ANO3: variants seen among roughly 807,000 people sequenced by gnomAD.
ANO3 encodes anoctamin 3, also known as anoctamin-3.
Under a neutral mutation model 144.8 loss-of-function variants are expected in ANO3, and 99 were observed. That is an observed-to-expected ratio of 0.68 (90% CI 0.58 to 0.81). The LOEUF (loss-of-function observed/expected upper bound fraction) is 0.81, where lower values mean the gene tolerates loss of function less well. Ranked by LOEUF, ANO3 falls within the 30% of genes least tolerant of loss-of-function variation. ANO3 has a pLI of 0.00. For synonymous variants in ANO3, 414 were observed against 392.6 expected (o/e 1.05, Z -0.64); for missense variants, 905 against 1,202.2 (o/e 0.75, Z 3.66).
intron 1 of ANO3, among the ~76,000 whole-genome samples, chr11:26,218,520 A>G (rs551742700): frequency 2.1e-4 from 32 of 151,978 alleles, no homozygotes; most frequent in South Asian, 2.1e-4. Context: ...TTTGTGTTCA[A>G]TTATACTCCC....
At chr11:26,391,262 C>A (rs1279254229) in intron 1 of ANO3, among the ~76,000 whole-genome samples, 1 of 152,036 alleles carries the variant, frequency 6.6e-6, no homozygotes, top group Non-Finnish European at 1.5e-5. Context: ...AGACAGACAG[C>A]CTGGCTTTTA....
intron 1 of ANO3, among the ~76,000 whole-genome samples, chr11:26,245,584 T>A (rs975720132): frequency 5.9e-5 from 9 of 152,224 alleles, no homozygotes; most frequent in Non-Finnish European, 8.8e-5. Flanking sequence ...AAAGTTAATA[T>A]ACATAGGAAT....
At chr11:26,580,135 C>T (rs563857364) in intron 14 of ANO3, among the ~76,000 whole-genome samples, 2 of 129,640 alleles carry the variant, frequency 1.5e-5, no homozygotes, top group Middle Eastern at 4.1e-3. Flanking sequence ...AAGCAAAATC[C>T]AGTAGGTTAA....
At chr11:26,521,149 A>C (rs1473242049) in intron 6 of ANO3, among the ~76,000 whole-genome samples, 1 of 152,174 alleles carries the variant, frequency 6.6e-6, no homozygotes, top group East Asian at 1.9e-4. Flanking sequence ...CTAAGTGGCA[A>C]ATTATTTTCG....
In ANO3 at chr11:26,660,337, C is replaced by G; in HGVS notation, c.2839C>G (p.Arg947Gly). The G allele has an allele frequency of 1.2e-6, 2 of 1,613,424 alleles. No individual in the cohort carries two copies. The highest frequency in any genetic ancestry group is 1.7e-6 in the Non-Finnish European group (2 of 1,179,626). ...DVPKGLHDRI[R>G]REKYLVQEMM... ...ACCAAAGGGTCTACATGACCGAATA[C>G]GACGAGAGAAGTACTTAGTTCAAGA... Residue 947 changes from arginine (R) to glycine (G), a missense_variant, in exon 27 of 27, where the codon CGA becomes GGA. Coordinates refer to ENST00000256737, the MANE Select transcript of ANO3 (RefSeq NM_031418.4).
At chr11:26,578,929 T>C (rs1233385930) in intron 14 of ANO3, among the ~76,000 whole-genome samples, 4 of 152,198 alleles carry the variant, frequency 2.6e-5, no homozygotes, top group Non-Finnish European at 4.4e-5. Context: ...CATAACTGAT[T>C]AATTCCTGTG....
At chr11:26,201,986 A>G (rs900493931) in intron 1 of ANO3, among the ~76,000 whole-genome samples, 2 of 151,094 alleles carry the variant, frequency 1.3e-5, no homozygotes, top group African/African-American at 4.8e-5. Flanking sequence ...TACACTTACG[A>G]TATCTGTTAC....
At chr11:26,210,940 C>A (rs35088680) in intron 1 of ANO3, among the ~76,000 whole-genome samples, 1 of 151,756 alleles carries the variant, frequency 6.6e-6, no homozygotes, top group African/African-American at 2.4e-5. Context: ...CAATATTAGA[C>A]AGATCAACAA....
chr11:26,330,461 G>T (rs1044406392), upstream of ANO3, among the ~76,000 whole-genome samples: 1 of 152,032 alleles, frequency 6.6e-6, no homozygotes, highest in Admixed American at 6.6e-5. Flanking sequence ...CCTGCATACT[G>T]AGCTCTTATT....
rs72278856 is a variant in ANO3 at position 26,535,571 on chromosome 11, C to CTTTT, written c.976+1035_976+1038dup. Among the ~76,000 whole-genome samples, 15 of 58,610 alleles carry CTTTT rather than the reference C, an allele frequency of 2.6e-4. 2 individuals carry two copies. Among genetic ancestry groups the CTTTT allele is most frequent in the African/African-American group, 5.3e-4 (7 of 13,306 alleles). 38.5% of individuals were successfully genotyped at this position (58,610 alleles called of 152,430 possible). A position where few individuals can be genotyped will look rare whatever the true frequency, so the allele number is the denominator to read the frequency against. ...AATACACTATGTTTCAAGACAGCCACTTTTTTTTTTTTTTTTTTTTTTTTT... is the reference window on the plus strand; with the variant it reads ...AATACACTATGTTTCAAGACAGCCACTTTTTTTTTTTTTTTTTTTTTTTTTTTTT... On this transcript the variant is annotated intron_variant, in intron 9 of 26. Coordinates refer to ENST00000256737, the MANE Select transcript of ANO3 (RefSeq NM_031418.4).
At chr11:26,482,023 G>T (rs1860238135) in intron 4 of ANO3, among the ~76,000 whole-genome samples, 1 of 151,748 alleles carries the variant, frequency 6.6e-6, no homozygotes, top group South Asian at 2.1e-4. Flanking sequence ...TTCCCAAGTA[G>T]CTGGGAGCAC....
chr11:26,615,428 A>G (rs1188576984), intron 17 of ANO3, among the ~76,000 whole-genome samples: 1 of 115,284 alleles, frequency 8.7e-6, no homozygotes, highest in Non-Finnish European at 1.8e-5. Flanking sequence ...TTTTTTTTTC[A>G]GTTCCTCAAT....
chr11:26,294,326 T>C (rs1854037014), intron 1 of ANO3, among the ~76,000 whole-genome samples: 1 of 152,208 alleles, frequency 6.6e-6, no homozygotes, highest in African/African-American at 2.4e-5. Context: ...CACCAGCCAC[T>C]GTGCTACTGC....
intron 14 of ANO3, among the ~76,000 whole-genome samples, chr11:26,586,501 A>ATTTTTT (rs1281089936): frequency 7.0e-4 from 28 of 40,004 alleles, no homozygotes; most frequent in East Asian, 2.8e-3. Flanking sequence ...CCTGGTGAGA[A>ATTTTTT]TCTTTTTTTT....
intron 1 of ANO3, among the ~76,000 whole-genome samples, chr11:26,192,139 C>A (rs995394098): frequency 3.9e-5 from 6 of 152,134 alleles, no homozygotes; most frequent in Non-Finnish European, 7.4e-5. Context: ...ACACAATTTG[C>A]CGCCTGATAT....
intron 11 of ANO3, 107 bp from the exon 12 acceptor site, chr11:26,547,309 G>T: frequency 9.1e-7 from 1 of 1,103,008 alleles, no homozygotes; most frequent in East Asian, 2.4e-5. Context: ...GAGGAACTGA[G>T]TGTAGCTTCA....
chr11:26,635,086 A>C lies in ANO3; in HGVS notation c.2043+16A>C. The C allele has an allele frequency of 6.2e-7, 1 of 1,612,262 alleles. No individual in the cohort carries two copies. Among genetic ancestry groups the C allele is most frequent in the Non-Finnish European group, 8.5e-7 (1 of 1,178,580 alleles). On this transcript the variant is annotated intron_variant, in intron 20 of 26. Transcript: ENST00000256737. ...ACTGGAGGAAGTAAGTAACTTTGGGAGTGTGGGTGCAGGAATGGGCATGGA... is the reference window on the plus strand; with the variant it reads ...ACTGGAGGAAGTAAGTAACTTTGGGCGTGTGGGTGCAGGAATGGGCATGGA...
At chr11:26,617,216 C>T (rs1852286866) in intron 17 of ANO3, among the ~76,000 whole-genome samples, 1 of 152,220 alleles carries the variant, frequency 6.6e-6, no homozygotes. Flanking sequence ...CCACCTCCTA[C>T]CCTCTTCCTC....
rs1183023481 is a variant in ANO3 at position 26,544,251 on chromosome 11, C to CACATATATAT, written c.1154+2184_1154+2185insCATATATATA. On this transcript the variant is annotated intron_variant, in intron 11 of 26. Transcript: ENST00000256737. ...TAAGGTTAAGTAGTATTTCATTATA[C>CACATATATAT]ATATATATATATATATATATATACA... Among the ~76,000 whole-genome samples, 69 of 38,434 alleles carry CACATATATAT rather than the reference C, an allele frequency of 1.8e-3. 2 individuals are homozygous for CACATATATAT. In the East Asian group the frequency reaches 0.024, roughly 13 times the overall value. 25.2% of individuals were successfully genotyped at this position (38,434 alleles called of 152,430 possible).
Sources: allele counts gnomAD v4.1 joint callset (sites outside exome capture counted in the v4.1 genomes callset), GRCh38; gene constraint gnomAD v4.1.1; transcripts MANE v1.5; gene names NCBI Gene and HGNC (gene_info 2026-07-23, HGNC 2026-07-21).